The following CENPM variants were observed in gnomAD, a reference collection of about 807,000 sequenced individuals.
CENPM encodes centromere protein M.
A neutral mutation model predicts 19.6 loss-of-function variants in CENPM; 14 were observed. That is an observed-to-expected ratio of 0.71 (90% CI 0.47 to 1.11). The LOEUF is 1.11. CENPM is among the 50% of genes most tolerant of loss of function. The pLI is 0.00. For missense variants in CENPM, 239 were observed against 228.4 expected, an observed-to-expected ratio of 1.05 and a Z score of -0.30; for synonymous variants, 114 against 101.5, an observed-to-expected ratio of 1.12 and a Z score of -0.74.
At chr22:41,943,744 C>T (rs776505154) in intron 4 of CENPM, 43 bp from the exon 5 acceptor site, 22 of 1,568,026 alleles carry the variant, frequency 1.4e-5, no homozygotes, top group Admixed American at 1.7e-5. Context: ...TCTCTACCTT[C>T]CTGGCTGGAA....
intron 4 of CENPM, 39 bp from the exon 5 acceptor site, chr22:41,943,740 C>A: frequency 6.3e-7 from 1 of 1,575,236 alleles, no homozygotes; most frequent in Non-Finnish European, 8.7e-7. Flanking sequence ...GCAATCTCTA[C>A]CTTCCTGGCT....
At chr22:41,937,134 C>T (rs1246341944), downstream of CENPM, among the ~76,000 whole-genome samples, 1 of 152,276 alleles carries the variant, frequency 6.6e-6, no homozygotes, top group East Asian at 1.9e-4. Flanking sequence ...CTTCTGATGC[C>T]TCTACAATCT....
chr22:41,927,684 G>A, the CENPM span, among the ~76,000 whole-genome samples: 1 of 151,996 alleles, frequency 6.6e-6, no homozygotes, highest in African/African-American at 2.4e-5. Flanking sequence ...ATTTTTAGTA[G>A]AGGTGGGGTT....
chr22:41,942,573 AC>A (rs1180394809), intron 5 of CENPM, among the ~76,000 whole-genome samples: 2 of 151,994 alleles, frequency 1.3e-5, no homozygotes, highest in East Asian at 3.9e-4. Flanking sequence ...ACACGGTGAA[AC>A]CCCGTCTCTA....
intron 5 of CENPM, among the ~76,000 whole-genome samples, chr22:41,941,810 A>T (rs907692660): frequency 2.0e-5 from 3 of 152,224 alleles, no homozygotes; most frequent in Non-Finnish European, 4.4e-5. Flanking sequence ...TAGGAAATCA[A>T]ATGCGTGATA....
intron 5 of CENPM, chr22:41,940,025 C>A: frequency 1.5e-6 from 1 of 650,628 alleles, no homozygotes; most frequent in South Asian, 1.8e-5. Flanking sequence ...TGGCCCCAAG[C>A]CCTCCAGCAG....
intron 4 of CENPM, 96 bp downstream of exon 4, chr22:41,945,129 C>T: frequency 6.3e-7 from 1 of 1,587,076 alleles, no homozygotes; most frequent in Non-Finnish European, 8.6e-7. Flanking sequence ...AATACATGCT[C>T]TTTCCATCAC....
intron 5 of CENPM, 33 bp from the exon 6 acceptor site, chr22:41,939,229 G>A: frequency 6.3e-7 from 1 of 1,583,202 alleles, no homozygotes; most frequent in African/African-American, 1.3e-5. Context: ...CAGTGAGATA[G>A]AATGCTGGCC....
the CENPM span, among the ~76,000 whole-genome samples, chr22:41,930,721 T>C: frequency 1.3e-5 from 2 of 151,776 alleles, no homozygotes; most frequent in Non-Finnish European, 2.9e-5. Context: ...GGTTTCGCCA[T>C]GTTGGGGAGG....
the CENPM span, among the ~76,000 whole-genome samples, chr22:41,928,586 C>G: frequency 6.6e-6 from 1 of 151,986 alleles, no homozygotes; most frequent in Non-Finnish European, 1.5e-5. This position sits in a 1 kb window ranked among gnomAD's most constrained non-coding sequence, Gnocchi z 4.0. Flanking sequence ...TGAGCAGCAG[C>G]GAGGGGGAGG....
At chr22:41,935,209 CTT>C (rs1470782023), downstream of CENPM, among the ~76,000 whole-genome samples, 2 of 152,182 alleles carry the variant, frequency 1.3e-5, no homozygotes, top group Non-Finnish European at 2.9e-5. Context: ...TGCCACTTCT[CTT>C]GTTAAATGGT....
At chr22:41,944,985 T>A in intron 4 of CENPM, 1 of 1,361,684 alleles carries the variant, frequency 7.3e-7, no homozygotes, top group Non-Finnish European at 9.5e-7. Flanking sequence ...TGTTATGTAG[T>A]TAAAACTTGT....
At chr22:41,946,603 C>G in intron 1 of CENPM, 107 bp from the exon 2 acceptor site, 1 of 905,798 alleles carries the variant, frequency 1.1e-6, no homozygotes, top group East Asian at 2.6e-5. Flanking sequence ...CGCCAGCAGG[C>G]GGCTCGGAGG....
downstream of CENPM, among the ~76,000 whole-genome samples, chr22:41,934,240 C>A (rs1602380296): frequency 2.0e-5 from 3 of 152,186 alleles, no homozygotes; most frequent in African/African-American, 7.2e-5. Flanking sequence ...ATGGGAAACA[C>A]CATCAGATTG....
chr22:41,932,039 G>A, the CENPM span, among the ~76,000 whole-genome samples: 1 of 152,196 alleles, frequency 6.6e-6, no homozygotes, highest in East Asian at 1.9e-4. The surrounding 1 kb of genome is among the most constrained non-coding windows in gnomAD (Gnocchi z 4.3). Flanking sequence ...TTTCTTCACT[G>A]CCTGGTTCTG....
the CENPM span, among the ~76,000 whole-genome samples, chr22:41,930,383 C>T: frequency 6.6e-6 from 1 of 152,080 alleles, no homozygotes; most frequent in Non-Finnish European, 1.5e-5. Context: ...GCACGGGCCA[C>T]CATGCCTGGC....
At chr22:41,939,635 C>A (rs924549771) in intron 5 of CENPM, among the ~76,000 whole-genome samples, 1 of 151,368 alleles carries the variant, frequency 6.6e-6, no homozygotes, top group African/African-American at 2.4e-5. Context: ...TGGCCCTCAC[C>A]ACAGATAAGA....
intron 2 of CENPM, 47 bp from the exon 3 acceptor site, chr22:41,946,052 A>C: frequency 6.7e-7 from 1 of 1,492,324 alleles, no homozygotes; most frequent in Non-Finnish European, 9.3e-7. Context: ...TACCCCCCTC[A>C]TAGCGACCGT....
the CENPM span, among the ~76,000 whole-genome samples, chr22:41,929,122 G>T: frequency 6.6e-6 from 1 of 151,544 alleles, no homozygotes; most frequent in African/African-American, 2.4e-5. Context: ...TGGGGGTGGG[G>T]GCAGGTGTGG....
Sources: gnomAD v4.1 joint callset for allele counts (sites outside exome capture counted in the v4.1 genomes callset) on GRCh38, gnomAD v4.1.1 for gene constraint, Gnocchi (gnomAD v3.1) non-coding constraint, MANE v1.5 for transcripts, NCBI Gene and HGNC (gene_info 2026-07-23, HGNC 2026-07-21) for gene names.